The following FBXL17 variants were observed in gnomAD, a reference collection of about 807,000 sequenced individuals.
FBXL17 encodes the protein F-box and leucine rich repeat protein 17, also known as F-box/LRR-repeat protein 17.
Under a neutral mutation model 66.2 loss-of-function variants are expected in FBXL17, and 22 were observed. The observed-to-expected ratio is 0.33, with a 90% CI of 0.24 to 0.47. FBXL17 has a LOEUF of 0.47. Ranked by LOEUF, FBXL17 falls within the 20% of genes least tolerant of loss-of-function variation. The pLI, the probability that FBXL17 is intolerant of heterozygous loss-of-function variation, is 1.00. For synonymous variants in FBXL17, 474 were observed against 400.5 expected, an observed-to-expected ratio of 1.18 and a Z score of -2.19; for missense variants, 878 against 948.2, an observed-to-expected ratio of 0.93 and a Z score of 0.97.
At chr5:108,021,275 G>A (rs1011534430) in intron 6 of FBXL17, among the ~76,000 whole-genome samples, 1 of 150,000 alleles carries the variant, frequency 6.7e-6, no homozygotes, top group South Asian at 2.1e-4. Flanking sequence ...TAAAAGACTA[G>A]TAAACATATG....
chr5:108,210,221 C>T (rs1327210590), intron 5 of FBXL17, among the ~76,000 whole-genome samples: 1 of 151,898 alleles, frequency 6.6e-6, no homozygotes, highest in Non-Finnish European at 1.5e-5. Flanking sequence ...ATTATTCTGG[C>T]TTGTGGTCTA....
chr5:108,345,251 T>A (rs1253973470), intron 4 of FBXL17, among the ~76,000 whole-genome samples: 2 of 151,792 alleles, frequency 1.3e-5, no homozygotes, highest in African/African-American at 4.8e-5. Flanking sequence ...GCAGGAGAAT[T>A]GCTTGAACCT....
At chr5:108,280,915 GAGAA>G (rs2150149762) in intron 4 of FBXL17, among the ~76,000 whole-genome samples, 1 of 151,158 alleles carries the variant, frequency 6.6e-6, no homozygotes, top group Admixed American at 6.6e-5. Flanking sequence ...ACAGTAAAAA[GAGAA>G]AGAGAGAGGG....
chr5:108,076,450 T>C lies in FBXL17; in HGVS notation c.1746-55449A>G, dbSNP rs532187000. ...TTAAGAGTTAACATTATAATAAGTA[T>C]ATAAATTAAAACTCCTATACATAAG... On this transcript the variant is annotated intron_variant, in intron 6 of 8. Coordinates refer to ENST00000542267, the MANE Select transcript of FBXL17 (RefSeq NM_001163315.3). Among the ~76,000 whole-genome samples, 10 of 152,334 alleles carry C rather than the reference T, an allele frequency of 6.6e-5. No individual in the cohort carries two copies. The South Asian group carries it at 1.4e-3, about 22-fold the overall frequency.
chr5:107,887,985 C>T lies in FBXL17; in HGVS notation c.1823-6806G>A, dbSNP rs193168865. Reference sequence around the variant, plus strand: ...CTTTAAAACAGTTTGGTCTCTCAAACGGTAGTTACTTTGTATATAATCCAA... The same window carrying T: ...CTTTAAAACAGTTTGGTCTCTCAAATGGTAGTTACTTTGTATATAATCCAA... On this transcript the variant is annotated intron_variant, in intron 7 of 8. Coordinates refer to ENST00000542267, the MANE Select transcript of FBXL17 (RefSeq NM_001163315.3). Among the ~76,000 whole-genome samples the T allele has an allele frequency of 4.9e-4, 75 of 152,284 alleles. 1 individual carries two copies. Among genetic ancestry groups the T allele is most frequent in the Admixed American group, 2.7e-3 (42 of 15,284 alleles).
At chr5:108,186,353 T>G in intron 5 of FBXL17, 106 bp from the exon 6 acceptor site, 3 of 848,198 alleles carry the variant, frequency 3.5e-6, no homozygotes, top group Non-Finnish European at 5.4e-6. Flanking sequence ...GTAAAATATT[T>G]AAAACAGATA....
At chr5:107,962,677 A>G (rs943076212) in intron 7 of FBXL17, among the ~76,000 whole-genome samples, 4 of 151,856 alleles carry the variant, frequency 2.6e-5, no homozygotes, top group East Asian at 1.9e-4. Context: ...AAGCGTTAAA[A>G]GTTTTTTTTT....
At chr5:108,077,380 T>C (rs1748592897) in intron 6 of FBXL17, among the ~76,000 whole-genome samples, 1 of 152,178 alleles carries the variant, frequency 6.6e-6, no homozygotes, top group South Asian at 2.1e-4. Flanking sequence ...AAGAAAATTA[T>C]AGGCTAGGAA....
intron 4 of FBXL17, among the ~76,000 whole-genome samples, chr5:108,326,676 T>G (rs1759871910): frequency 6.6e-6 from 1 of 151,978 alleles, no homozygotes; most frequent in African/African-American, 2.4e-5. Flanking sequence ...CTAATACATA[T>G]GTTAAAAGGT....
intron 8 of FBXL17, chr5:107,878,923 C>T (rs1748696038): frequency 4.1e-6 from 4 of 985,344 alleles, no homozygotes; most frequent in African/African-American, 1.7e-5. Flanking sequence ...AATGGGTTCT[C>T]AGAGTGGCTC....
At chr5:108,337,191 G>A (rs1760425770) in intron 4 of FBXL17, among the ~76,000 whole-genome samples, 1 of 151,686 alleles carries the variant, frequency 6.6e-6, no homozygotes, top group Non-Finnish European at 1.5e-5. Flanking sequence ...GGGAGGCAAA[G>A]GTTGCCATGA....
rs10477893 is a variant in FBXL17, at chr5:108,359,385, G to A, written c.1374+5353C>T. On this transcript the variant is annotated intron_variant, in intron 3 of 8. Coordinates refer to ENST00000542267, the MANE Select transcript of FBXL17 (RefSeq NM_001163315.3). ...CCTGCTCTTCTTTCTCAAGGTGTAC[G>A]CTTTGATTACTGCTTTCAGATCTTC... 5.9e-3 allele frequency among the ~76,000 whole-genome samples: 891 copies of A among 152,070 alleles called. 4 individuals carry two copies. Among genetic ancestry groups the A allele is most frequent in the African/African-American group, 0.016 (644 of 41,510 alleles).
chr5:107,983,140 C>T (rs1016106154), intron 7 of FBXL17, among the ~76,000 whole-genome samples: 2 of 152,116 alleles, frequency 1.3e-5, no homozygotes. Context: ...TATTTGCTTA[C>T]CCAGATGGGG....
intron 4 of FBXL17, among the ~76,000 whole-genome samples, chr5:108,267,709 T>C (rs1227783478): frequency 6.6e-6 from 1 of 151,804 alleles, no homozygotes; most frequent in Admixed American, 6.6e-5. Flanking sequence ...AATATACAGG[T>C]GGCTGAACAA....
At chr5:108,174,183 T>A (rs1435551792) in intron 6 of FBXL17, among the ~76,000 whole-genome samples, 1 of 152,180 alleles carries the variant, frequency 6.6e-6, no homozygotes, top group Non-Finnish European at 1.5e-5. Flanking sequence ...TATGCTATAG[T>A]TCAGGCATAG....
chr5:108,099,128 A>T (rs1184394852), intron 6 of FBXL17, among the ~76,000 whole-genome samples: 1 of 152,212 alleles, frequency 6.6e-6, no homozygotes, highest in Admixed American at 6.5e-5. Flanking sequence ...TCCAGTGGGA[A>T]TCCACCAAGA....
At chr5:107,961,442 G>A (rs117857108) in intron 7 of FBXL17, among the ~76,000 whole-genome samples, 1 of 152,094 alleles carries the variant, frequency 6.6e-6, no homozygotes, top group East Asian at 1.9e-4. Flanking sequence ...TGCCCAGGCT[G>A]GACTCTAACT....
chr5:108,020,737 T>C (rs1450269039), intron 7 of FBXL17, 188 bp downstream of exon 7: 3 of 492,714 alleles, frequency 6.1e-6, no homozygotes, highest in Non-Finnish European at 1.1e-5. Flanking sequence ...TGAAGTAATA[T>C]GCATATTCAT....
intron 4 of FBXL17, among the ~76,000 whole-genome samples, chr5:108,323,730 G>T (rs898026267): frequency 6.6e-6 from 1 of 151,988 alleles, no homozygotes; most frequent in Non-Finnish European, 1.5e-5. Context: ...AAAGCGTAGT[G>T]CTGGCAAAAA....
Sources: gnomAD v4.1 joint callset for allele counts (sites outside exome capture counted in the v4.1 genomes callset) on GRCh38, gnomAD v4.1.1 for gene constraint, MANE v1.5 for transcripts, NCBI Gene and HGNC (gene_info 2026-07-23, HGNC 2026-07-21) for gene names.